The following KIRREL1 variants were observed in gnomAD, a reference collection of about 807,000 sequenced individuals.
KIRREL1 encodes kin of IRRE-like protein 1.
A neutral mutation model predicts 83.3 loss-of-function variants in KIRREL1; 25 were observed. The ratio of observed to expected loss-of-function variants is 0.30; its 90% CI spans 0.22 to 0.42. KIRREL1 has a LOEUF of 0.42. Ranked by LOEUF, KIRREL1 falls within the 10% of genes least tolerant of loss-of-function variation. The pLI is 1.00. For synonymous variants in KIRREL1, 388 were observed against 410.4 expected, an observed-to-expected ratio of 0.95 and a Z score of 0.66; for missense variants, 812 against 1,032.3, an observed-to-expected ratio of 0.79 and a Z score of 2.92.
At chr1:158,011,644 G>T (rs1347185151) in intron 1 of KIRREL1, among the ~76,000 whole-genome samples, 2 of 152,214 alleles carry the variant, frequency 1.3e-5, no homozygotes, top group African/African-American at 4.8e-5. Context: ...GACACAGGTG[G>T]CTGGGAGATG....
Position 158,093,761 on chromosome 1 carries a change from C to T in KIRREL1, c.1718C>T (p.Ser573Leu), listed in dbSNP as rs139995772. 1.1e-3 allele frequency: 1,794 copies of T among 1,614,092 alleles called. 5 individuals carry two copies. Among genetic ancestry groups the T allele is most frequent in the Admixed American group, 1.7e-3 (101 of 60,018 alleles). ...TATRVMKAIY[S>L]SFKDDVDLKQ... ...ACCCGGGTCATGAAGGCCATCTACT[C>T]GGTGAGGGTCCTGCTCCTCTCTGGC... Residue 573 changes from serine to leucine, a missense_variant and splice_region_variant, in exon 13 of 15, where the codon TCG becomes TTG. By Grantham distance (145) the Ser-to-Leu change is moderately radical. Around this residue, in one of 3 missense-constraint regions of KIRREL1, gnomAD observed 334 missense variants for 383.7 expected, o/e 0.87. Coordinates refer to ENST00000359209, the MANE Select transcript of KIRREL1 (RefSeq NM_018240.7).
intron 1 of KIRREL1, among the ~76,000 whole-genome samples, chr1:158,066,950 C>T (rs1886389): frequency 0.36 from 55,181 of 152,078 alleles, 10,895 homozygotes; most frequent in East Asian, 0.61. Context: ...TCTGCTCCCA[C>T]CTGTCTGTCA....
intron 1 of KIRREL1, among the ~76,000 whole-genome samples, chr1:158,042,212 GGTGTGTGTGTGTGTGT>G (rs10577493): frequency 2.2e-5 from 3 of 137,650 alleles, no homozygotes; most frequent in Admixed American, 7.3e-5. Flanking sequence ...TCTTCTCCAG[GGTGTGTGTGTGTGTGT>G]GTGTGTGTGT....
chr1:158,052,525 A>G (rs1660935835), intron 1 of KIRREL1, among the ~76,000 whole-genome samples: 2 of 152,164 alleles, frequency 1.3e-5, no homozygotes, highest in Non-Finnish European at 2.9e-5. Flanking sequence ...CACGCCTGTA[A>G]TCCCAGCACT....
intron 1 of KIRREL1, among the ~76,000 whole-genome samples, chr1:158,027,267 G>A (rs1038108652): frequency 4.6e-5 from 7 of 152,302 alleles, no homozygotes; most frequent in Admixed American, 3.9e-4. Flanking sequence ...ATAAAGAGAG[G>A]CACAGAGCAA....
chr1:158,027,079 C>T (rs1172055809), intron 1 of KIRREL1, among the ~76,000 whole-genome samples: 1 of 152,198 alleles, frequency 6.6e-6, no homozygotes, highest in Non-Finnish European at 1.5e-5. Flanking sequence ...AAGACTGTCC[C>T]CCACTTCCAA....
chr1:158,024,917 C>A lies in KIRREL1; in HGVS notation c.52+31189C>A, dbSNP rs371327253. Among the ~76,000 whole-genome samples the A allele has an allele frequency of 7.7e-4, 117 of 152,118 alleles. No individual in the cohort carries two copies. In the Middle Eastern group the frequency reaches 0.014, roughly 18 times the overall value. ...CTTGCCCTAAGCTGAGGAAACCAGA[C>A]CAAAAAAAGAGATCCTCCCTTCCGA... is the stretch of plus-strand genomic sequence containing the variant. On this transcript the variant is annotated intron_variant, in intron 1 of 14. Coordinates refer to ENST00000359209, the MANE Select transcript of KIRREL1 (RefSeq NM_018240.7).
chr1:158,088,027 G>C lies in KIRREL1; in HGVS notation c.789G>C (p.Leu263Phe). The C allele has an allele frequency of 6.2e-7, 1 of 1,614,212 alleles. No homozygotes were observed. Among genetic ancestry groups the C allele is most frequent in the South Asian group, 1.1e-5 (1 of 91,086 alleles). ...CTAGGTGGGCCAAAGGGGGTTTCTT[G>C]ATTGAAGACGCCCACGAGAGTCGCT... ...LGYRWAKGGF[L>F]IEDAHESRYE... The change falls in exon 7 of 15, where the codon TTG becomes TTC. Residue 263 changes from leucine (L) to phenylalanine (F), a missense_variant. By Grantham distance (22) the Leu-to-Phe change is conservative (BLOSUM62 0). Coordinates refer to ENST00000359209, the MANE Select transcript of KIRREL1 (RefSeq NM_018240.7).
chr1:157,996,453 C>T (rs925715036), intron 1 of KIRREL1, among the ~76,000 whole-genome samples: 2 of 151,828 alleles, frequency 1.3e-5, no homozygotes, highest in Non-Finnish European at 2.9e-5. Context: ...GAGCTGCCTC[C>T]GTGGGGGGGA....
intron 1 of KIRREL1, among the ~76,000 whole-genome samples, chr1:158,073,100 T>A (rs1661565316): frequency 6.6e-6 from 1 of 152,106 alleles, no homozygotes; most frequent in African/African-American, 2.4e-5. Flanking sequence ...ATATTTGGGA[T>A]TCTATGTTGG....
chr1:158,033,919 C>A (rs974745078), intron 1 of KIRREL1, among the ~76,000 whole-genome samples: 1 of 151,182 alleles, frequency 6.6e-6, no homozygotes, highest in Non-Finnish European at 1.5e-5. Context: ...GCAGAGGTTG[C>A]AGTGAGCGGA....
intron 1 of KIRREL1, among the ~76,000 whole-genome samples, chr1:158,021,376 G>A (rs930825496): frequency 6.6e-6 from 1 of 152,142 alleles, no homozygotes. Context: ...CAGTCAGCTG[G>A]TGAAAGTATC....
chr1:158,028,757 T>C (rs1306794211), intron 1 of KIRREL1, among the ~76,000 whole-genome samples: 1 of 152,214 alleles, frequency 6.6e-6, no homozygotes, highest in Non-Finnish European at 1.5e-5. Context: ...ACTACAGTCT[T>C]GTGAAGTAGG....
At chr1:158,044,959 G>A (rs1185339743) in intron 1 of KIRREL1, among the ~76,000 whole-genome samples, 1 of 152,134 alleles carries the variant, frequency 6.6e-6, no homozygotes, top group African/African-American at 2.4e-5. Context: ...GTGGGGCAGT[G>A]GTCCAATTTT....
chr1:158,012,658 A>G (rs1325348750), intron 1 of KIRREL1, among the ~76,000 whole-genome samples: 1 of 152,192 alleles, frequency 6.6e-6, no homozygotes, highest in Non-Finnish European at 1.5e-5. Flanking sequence ...CTAATGCTTT[A>G]TAACATGGAA....
chr1:158,013,266 G>A (rs1659736848), intron 1 of KIRREL1, among the ~76,000 whole-genome samples: 1 of 152,200 alleles, frequency 6.6e-6, no homozygotes, highest in African/African-American at 2.4e-5. Flanking sequence ...AGCTGCGACT[G>A]ACCTGTCTGT....
chr1:158,060,979 C>T (rs984102831), intron 1 of KIRREL1, among the ~76,000 whole-genome samples: 2 of 152,128 alleles, frequency 1.3e-5, no homozygotes, highest in South Asian at 4.1e-4. Context: ...TCCCCACCTT[C>T]CATTTCAGAG....
rs1196110554 is a variant in KIRREL1 at position 158,029,993 on chromosome 1, T to C, written c.52+36265T>C. Among the ~76,000 whole-genome samples, 3 of 152,260 alleles carry C rather than the reference T, an allele frequency of 2.0e-5. No homozygotes were observed. The East Asian group carries it at 5.8e-4, about 29-fold the overall frequency. On this transcript the variant is annotated intron_variant, in intron 1 of 14. Transcript: ENST00000359209. ...CTCTCTCCCATCATTATCTTCTAGC[T>C]ACCATTTCTCTTAACCTTAAGTATT... is the stretch of plus-strand genomic sequence containing the variant.
rs754964453 is a variant in KIRREL1 at position 158,089,699 on chromosome 1, T to C, written c.1172-19T>C. The C allele has an allele frequency of 6.2e-7, 1 of 1,614,064 alleles. No individual in the cohort carries two copies. The highest frequency in any genetic ancestry group is 1.1e-5 in the South Asian group (1 of 91,076). ...CTGCAGTTTTTAACTGGTTCTGACTTGTGTCTTCTTGCTTGCAGGGCCCCC... is the reference window on the plus strand; with the variant it reads ...CTGCAGTTTTTAACTGGTTCTGACTCGTGTCTTCTTGCTTGCAGGGCCCCC... On this transcript the variant is annotated intron_variant, in intron 9 of 14. Transcript: ENST00000359209.
Sources: allele counts gnomAD v4.1 joint callset (sites outside exome capture counted in the v4.1 genomes callset), GRCh38; gene constraint gnomAD v4.1.1; regional missense constraint gnomAD v4.1.1; transcripts MANE v1.5; gene names NCBI Gene and HGNC (gene_info 2026-07-23, HGNC 2026-07-21).